The following FIRRM variants were observed in gnomAD, a reference collection of about 807,000 sequenced individuals.
The protein encoded by FIRRM is FIGNL1 interacting regulator of recombination and mitosis, also known as FIGNL1-interacting regulator of recombination and mitosis.
the FIRRM span, chr1:169,836,814 C>T: frequency 9.4e-4 from 642 of 681,412 alleles, 5 homozygotes; most frequent in South Asian, 5.7e-3. Context: ...TATTACCGTA[C>T]CATTATAAAG....
At chr1:169,851,606 A>C in the FIRRM span, 1 of 609,174 alleles carries the variant, frequency 1.6e-6, no homozygotes, top group Admixed American at 3.4e-5. Context: ...TTTCCTGCAA[A>C]GACAACTCTA....
chr1:169,792,403 C>T, the FIRRM span: 1 of 501,930 alleles, frequency 2.0e-6, no homozygotes, highest in Non-Finnish European at 3.4e-6. Context: ...AGGATACCTT[C>T]TCAGTTTCAC....
At chr1:169,842,229 G>A in the FIRRM span, among the ~76,000 whole-genome samples, 1 of 151,590 alleles carries the variant, frequency 6.6e-6, no homozygotes, top group Non-Finnish European at 1.5e-5. Context: ...CTGTGTACAA[G>A]GAAAATTATT....
At chr1:169,813,059 TTAAGA>T in the FIRRM span, among the ~76,000 whole-genome samples, 7 of 152,224 alleles carry the variant, frequency 4.6e-5, no homozygotes, top group East Asian at 1.9e-4. Flanking sequence ...AACATATAAG[TTAAGA>T]TATGTTATTT....
the FIRRM span, among the ~76,000 whole-genome samples, chr1:169,837,963 G>A: frequency 6.6e-6 from 1 of 152,096 alleles, no homozygotes; most frequent in African/African-American, 2.4e-5. Flanking sequence ...CGGGGATGAG[G>A]TTTCGTTCTT....
At chr1:169,822,408 C>A in the FIRRM span, among the ~76,000 whole-genome samples, 201 of 152,308 alleles carry the variant, frequency 1.3e-3, no homozygotes, top group African/African-American at 4.6e-3. Flanking sequence ...TTTTTAAAAA[C>A]CACTAATATC....
the FIRRM span, among the ~76,000 whole-genome samples, chr1:169,798,665 C>T: frequency 5.3e-5 from 8 of 152,130 alleles, no homozygotes; most frequent in East Asian, 1.9e-4. Flanking sequence ...TATTTCATGA[C>T]TATGCATAGT....
chr1:169,809,880 C>A, the FIRRM span, among the ~76,000 whole-genome samples: 1 of 152,164 alleles, frequency 6.6e-6, no homozygotes, highest in African/African-American at 2.4e-5. Flanking sequence ...GCAGTTTTCA[C>A]TTTGTGTTTT....
chr1:169,812,834 G>A, the FIRRM span, among the ~76,000 whole-genome samples: 7 of 150,720 alleles, frequency 4.6e-5, no homozygotes, highest in African/African-American at 1.7e-4. Flanking sequence ...TCCAGCCTGG[G>A]CAACAGAGTG....
At chr1:169,804,768 C>T in the FIRRM span, among the ~76,000 whole-genome samples, 22 of 152,232 alleles carry the variant, frequency 1.4e-4, no homozygotes, top group East Asian at 3.3e-3. Context: ...ACTGCAACCT[C>T]GCCTCCCGGA....
the FIRRM span, chr1:169,795,062 T>C: frequency 6.7e-7 from 1 of 1,484,512 alleles, no homozygotes; most frequent in Non-Finnish European, 9.1e-7. Context: ...CGGTCTGGGC[T>C]TTGGCGGGTC....
the FIRRM span, among the ~76,000 whole-genome samples, chr1:169,801,597 C>CAAAAAAA: frequency 3.2e-5 from 4 of 124,424 alleles, no homozygotes; most frequent in East Asian, 2.3e-4. Context: ...ACCCTTAATT[C>CAAAAAAA]AAAAAAAAAA....
chr1:169,845,323 T>C, the FIRRM span, among the ~76,000 whole-genome samples: 1 of 152,228 alleles, frequency 6.6e-6, no homozygotes. Context: ...TTTTTGGTAG[T>C]GGAGGGTCTT....
the FIRRM span, among the ~76,000 whole-genome samples, chr1:169,788,268 A>G: frequency 1.3e-5 from 2 of 152,184 alleles, no homozygotes; most frequent in East Asian, 3.8e-4. Flanking sequence ...AGACAGTAAG[A>G]TCAATCAATC....
chr1:169,853,796 A>G, the FIRRM span: 5 of 1,610,574 alleles, frequency 3.1e-6, no homozygotes, highest in Non-Finnish European at 4.2e-6. Flanking sequence ...AAGCACACCA[A>G]GAACCCACTG....
At chr1:169,812,465 T>C in the FIRRM span, among the ~76,000 whole-genome samples, 7 of 152,312 alleles carry the variant, frequency 4.6e-5, no homozygotes, top group East Asian at 1.3e-3. Flanking sequence ...AGGTTTCTTA[T>C]GGTGATATGA....
the FIRRM span, chr1:169,852,983 G>A: frequency 6.2e-7 from 1 of 1,613,366 alleles, no homozygotes. Context: ...CATACTCTAG[G>A]GTGAAACTTA....
chr1:169,786,885 GGTGACTGAGCTGATTGAATGATCC>G, the FIRRM span, among the ~76,000 whole-genome samples: 1,674 of 152,308 alleles, frequency 0.011, 17 homozygotes, highest in Middle Eastern at 0.02. Flanking sequence ...AGATCTGAGA[GGTGACTGAGCTGATTGAATGATCC>G]GTGACCGCTC....
At chr1:169,818,479 C>T in the FIRRM span, among the ~76,000 whole-genome samples, 2 of 152,136 alleles carry the variant, frequency 1.3e-5, no homozygotes, top group East Asian at 3.8e-4. Context: ...TTAATTTTAC[C>T]AATAATCTTT....
Sources: allele counts gnomAD v4.1 joint callset (sites outside exome capture counted in the v4.1 genomes callset), GRCh38; gene constraint gnomAD v4.1.1; transcripts MANE v1.5; gene names NCBI Gene and HGNC (gene_info 2026-07-23, HGNC 2026-07-21).